Variants in SND1 observed in about 807,000 individuals in gnomAD.
SND1 encodes the protein staphylococcal nuclease domain-containing protein 1.
In SND1, 38 loss-of-function variants were observed where a neutral mutation model predicts 121.7. That is an observed-to-expected ratio of 0.31 (90% CI 0.24 to 0.41). The LOEUF is 0.41. Among genes scored for constraint, SND1 ranks in the 10% least tolerant of loss-of-function variants. The pLI is 1.00. For missense variants in SND1, 868 were observed against 1,184.6 expected (o/e 0.73, Z 3.92); for synonymous variants, 401 against 447.4 (o/e 0.90, Z 1.31).
At chr7:127,724,602 A>T (rs571235941) in intron 10 of SND1, among the ~76,000 whole-genome samples, 2 of 152,320 alleles carry the variant, frequency 1.3e-5, no homozygotes, top group East Asian at 3.9e-4. Flanking sequence ...TGGGCCTGGG[A>T]GTTAGACAGG....
At position 128,029,510 on chromosome 7, in the gene SND1, G is replaced by A. The variant is rs771917920; in HGVS notation, c.1779+38454G>A. On this transcript the variant is annotated intron_variant, in intron 16 of 23. Transcript: ENST00000354725. The surrounding 1 kb of genome is among the most constrained non-coding windows in gnomAD (Gnocchi z 4.2). ...GCAACCACTTCACGGAGGACATAGG[G>A]GGAGTCCGACACTTAAGTTCTGCCA... The A allele has an allele frequency of 4.3e-6, 7 of 1,614,104 alleles. No individual in the cohort carries two copies. The highest frequency in any genetic ancestry group is 5.9e-6 in the Non-Finnish European group (7 of 1,180,032).
intron 13 of SND1, among the ~76,000 whole-genome samples, chr7:127,889,187 A>T (rs1799963807): frequency 1.3e-5 from 2 of 152,026 alleles, no homozygotes; most frequent in Non-Finnish European, 2.9e-5. Flanking sequence ...TGGTTTTTTA[A>T]AGCTCATTAA....
intron 16 of SND1, chr7:127,997,680 A>G (rs773778215): frequency 1.9e-6 from 1 of 525,344 alleles, no homozygotes; most frequent in Non-Finnish European, 4.0e-6. Context: ...ATTCTTGATA[A>G]CCTCTCCAAC....
intron 14 of SND1, among the ~76,000 whole-genome samples, chr7:127,914,036 T>C (rs1214181712): frequency 3.3e-5 from 5 of 152,220 alleles, no homozygotes; most frequent in Non-Finnish European, 1.5e-5. Flanking sequence ...CTGGTCGTTT[T>C]CTGCCTCAGT....
At chr7:127,828,085 C>T (rs1798675474) in intron 11 of SND1, among the ~76,000 whole-genome samples, 1 of 152,160 alleles carries the variant, frequency 6.6e-6, no homozygotes, top group African/African-American at 2.4e-5. Context: ...AAGACTCTGC[C>T]TCACAGGTTC....
intron 16 of SND1, among the ~76,000 whole-genome samples, chr7:128,033,534 A>C (rs915859014): frequency 2.0e-5 from 3 of 152,002 alleles, no homozygotes; most frequent in Admixed American, 1.3e-4. Flanking sequence ...TACCACACCT[A>C]TTTCTGAGTA....
At chr7:128,004,955 T>C (rs1201612923) in intron 16 of SND1, among the ~76,000 whole-genome samples, 1 of 152,256 alleles carries the variant, frequency 6.6e-6, no homozygotes, top group Non-Finnish European at 1.5e-5. Flanking sequence ...ATCTTTGTTA[T>C]TTTCAAGTAC....
chr7:128,071,436 T>C (rs1447391904), intron 16 of SND1, among the ~76,000 whole-genome samples: 1 of 152,232 alleles, frequency 6.6e-6, no homozygotes, highest in Non-Finnish European at 1.5e-5. Flanking sequence ...TATATCTCTG[T>C]GTCTATCTTT....
intron 1 of SND1, among the ~76,000 whole-genome samples, chr7:127,665,715 AAATAAC>A (rs1416467128): frequency 2.6e-5 from 4 of 152,170 alleles, no homozygotes; most frequent in African/African-American, 7.2e-5. Context: ...CCAGTCTCTG[AAATAAC>A]TAATGTGATG....
At chr7:127,944,048 T>C (rs1801273469) in intron 15 of SND1, among the ~76,000 whole-genome samples, 1 of 152,194 alleles carries the variant, frequency 6.6e-6, no homozygotes, top group Non-Finnish European at 1.5e-5. Flanking sequence ...TGCCATTGGC[T>C]CCTGACGGAA....
chr7:127,976,143 C>G (rs991044961), intron 15 of SND1, among the ~76,000 whole-genome samples: 1 of 152,230 alleles, frequency 6.6e-6, no homozygotes, highest in Non-Finnish European at 1.5e-5. Context: ...ACCAGGAACC[C>G]TGGTCGGGGA....
At chr7:128,046,994 A>T (rs575842370) in intron 16 of SND1, among the ~76,000 whole-genome samples, 1 of 152,340 alleles carries the variant, frequency 6.6e-6, no homozygotes, top group East Asian at 1.9e-4. Flanking sequence ...TGATAAAGAA[A>T]TACATGTACT....
chr7:128,082,151 C>T (rs938514220), intron 18 of SND1, among the ~76,000 whole-genome samples: 1 of 152,206 alleles, frequency 6.6e-6, no homozygotes, highest in Admixed American at 6.5e-5. Flanking sequence ...GGAGAGAGCT[C>T]TGGCAGCCGC....
intron 11 of SND1, among the ~76,000 whole-genome samples, chr7:127,839,455 C>T (rs1584610054): frequency 6.6e-6 from 1 of 152,214 alleles, no homozygotes; most frequent in South Asian, 2.1e-4. Flanking sequence ...CTCCTCTAAC[C>T]TTTTATGCTT....
At chr7:127,794,558 T>A (rs1053464005) in intron 10 of SND1, among the ~76,000 whole-genome samples, 2 of 152,254 alleles carry the variant, frequency 1.3e-5, no homozygotes, top group South Asian at 2.1e-4. Flanking sequence ...CAAAATGATA[T>A]TATCCTCTGA....
At chr7:127,667,133 CT>C in intron 1 of SND1, among the ~76,000 whole-genome samples, 1 of 152,210 alleles carries the variant, frequency 6.6e-6, no homozygotes, top group African/African-American at 2.4e-5. Flanking sequence ...TAGAAGCTGA[CT>C]TATTTCCTCA....
chr7:127,829,820 T>C (rs188759116), intron 11 of SND1, among the ~76,000 whole-genome samples: 1 of 152,328 alleles, frequency 6.6e-6, no homozygotes, highest in African/African-American at 2.4e-5. Context: ...TGATTCCATT[T>C]ATACAGAATT....
At chr7:128,089,220 A>G (rs1793735298) in intron 21 of SND1, among the ~76,000 whole-genome samples, 1 of 151,926 alleles carries the variant, frequency 6.6e-6, no homozygotes, top group African/African-American at 2.4e-5. Context: ...TGCCCAGCTA[A>G]TTTTTGTGTT....
intron 22 of SND1, among the ~76,000 whole-genome samples, chr7:128,090,172 G>C (rs545854725): frequency 2.6e-5 from 4 of 152,190 alleles, no homozygotes; most frequent in Non-Finnish European, 4.4e-5. Flanking sequence ...TGGACTTGGA[G>C]TCCTGCCTCC....
Sources: gnomAD v4.1 joint callset for allele counts (sites outside exome capture counted in the v4.1 genomes callset) on GRCh38, gnomAD v4.1.1 for gene constraint, Gnocchi (gnomAD v3.1) non-coding constraint, MANE v1.5 for transcripts, NCBI Gene and HGNC (gene_info 2026-07-23, HGNC 2026-07-21) for gene names.